ENTREP1: variants seen among roughly 807,000 people sequenced by gnomAD.
ENTREP1 encodes Friedreich ataxia region gene X123.
the ENTREP1 span, among the ~76,000 whole-genome samples, chr9:69,367,469 A>AATT: frequency 3.3e-5 from 5 of 150,548 alleles, no homozygotes; most frequent in African/African-American, 1.2e-4. Context: ...TGATAATATT[A>AATT]ATTTTTCCAA....
the ENTREP1 span, chr9:69,380,546 T>C: frequency 6.6e-6 from 1 of 152,252 alleles, no homozygotes; most frequent in Non-Finnish European, 1.5e-5. Flanking sequence ...GAGAAAAGGC[T>C]TCTCGAGTTA....
the ENTREP1 span, among the ~76,000 whole-genome samples, chr9:69,355,753 C>T: frequency 5.3e-5 from 8 of 152,292 alleles, no homozygotes; most frequent in South Asian, 1.0e-3. Flanking sequence ...CCCGGACCTC[C>T]GTGATGGCTC....
the ENTREP1 span, chr9:69,325,273 GCCGGCCGC>G: frequency 8.8e-7 from 1 of 1,137,112 alleles, no homozygotes; most frequent in Non-Finnish European, 1.1e-6. Flanking sequence ...GCCCGCCGCA[GCCGGCCGC>G]ACCCGGCCGC....
At chr9:69,336,216 A>T in the ENTREP1 span, 1 of 1,549,760 alleles carries the variant, frequency 6.5e-7, no homozygotes, top group Non-Finnish European at 8.8e-7. Context: ...CTTACAGGTG[A>T]TACTCTCTGG....
chr9:69,338,456 A>T, the ENTREP1 span, among the ~76,000 whole-genome samples: 1 of 152,236 alleles, frequency 6.6e-6, no homozygotes, highest in African/African-American at 2.4e-5. Flanking sequence ...TGAAAAGAGT[A>T]TAAGTGTGTT....
the ENTREP1 span, chr9:69,379,900 T>C: frequency 6.6e-6 from 1 of 152,310 alleles, no homozygotes; most frequent in African/African-American, 2.4e-5. Flanking sequence ...TCTTCTCTGC[T>C]TCACCATAAT....
the ENTREP1 span, among the ~76,000 whole-genome samples, chr9:69,351,848 T>A: frequency 6.6e-6 from 1 of 152,234 alleles, no homozygotes; most frequent in Non-Finnish European, 1.5e-5. Context: ...TGTTTATTTG[T>A]CTTTTTAATG....
the ENTREP1 span, chr9:69,388,007 T>C: frequency 6.4e-7 from 1 of 1,555,202 alleles, no homozygotes. Context: ...TTGTTTTCCC[T>C]CCTTCTGCAA....
the ENTREP1 span, among the ~76,000 whole-genome samples, chr9:69,390,114 A>G: frequency 6.6e-6 from 1 of 152,254 alleles, no homozygotes; most frequent in African/African-American, 2.4e-5. Flanking sequence ...CTAACTTACT[A>G]TGTAGCACAG....
chr9:69,340,666 C>CATGCGTGTGTGTGCAT, the ENTREP1 span, among the ~76,000 whole-genome samples: 1 of 108,650 alleles, frequency 9.2e-6, no homozygotes, highest in Non-Finnish European at 1.8e-5. Context: ...TGTGTGTGTG[C>CATGCGTGTGTGTGCAT]GTGTGTGTGT....
At chr9:69,343,276 C>T in the ENTREP1 span, among the ~76,000 whole-genome samples, 19 of 152,174 alleles carry the variant, frequency 1.2e-4, no homozygotes, top group Non-Finnish European at 1.9e-4. Context: ...CTCTCATTTT[C>T]GCATTCACTT....
the ENTREP1 span, chr9:69,387,832 C>T: frequency 4.2e-6 from 5 of 1,190,594 alleles, no homozygotes; most frequent in Non-Finnish European, 5.5e-6. Flanking sequence ...CCCATCCATC[C>T]CCATCTATTT....
the ENTREP1 span, among the ~76,000 whole-genome samples, chr9:69,326,968 G>A: frequency 6.6e-5 from 10 of 150,626 alleles, no homozygotes; most frequent in Non-Finnish European, 1.5e-4. Context: ...TGGTAAGAAC[G>A]GCTTTTGCAG....
At chr9:69,337,668 A>G in the ENTREP1 span, among the ~76,000 whole-genome samples, 1 of 152,194 alleles carries the variant, frequency 6.6e-6, no homozygotes, top group Non-Finnish European at 1.5e-5. Flanking sequence ...TAAACTTATC[A>G]GTTACAGTTT....
the ENTREP1 span, among the ~76,000 whole-genome samples, chr9:69,337,239 C>T: frequency 3.0e-3 from 453 of 151,768 alleles, no homozygotes; most frequent in Middle Eastern, 6.8e-3. Flanking sequence ...AGTCCCAAAC[C>T]TCAAGTGATC....
chr9:69,377,819 AC>A, the ENTREP1 span: 1 of 1,444,976 alleles, frequency 6.9e-7, no homozygotes. Context: ...TCCAGAACTC[AC>A]CACATGAGAT....
the ENTREP1 span, among the ~76,000 whole-genome samples, chr9:69,356,154 G>T: frequency 2.8e-4 from 42 of 152,222 alleles, 1 homozygote; most frequent in South Asian, 8.5e-3. Context: ...CCTGAAGTCC[G>T]TGGCAACCAC....
the ENTREP1 span, chr9:69,388,396 A>G: frequency 6.2e-7 from 1 of 1,613,904 alleles, no homozygotes; most frequent in East Asian, 2.2e-5. Context: ...CTGTTTTGAA[A>G]TCTGATGAGG....
At chr9:69,386,008 T>G in the ENTREP1 span, 1 of 1,494,162 alleles carries the variant, frequency 6.7e-7, no homozygotes, top group Non-Finnish European at 8.9e-7. Context: ...AGGAGCCAGG[T>G]GAAGGCAGGT....
Sources: gnomAD v4.1 joint callset for allele counts (sites outside exome capture counted in the v4.1 genomes callset) on GRCh38, gnomAD v4.1.1 for gene constraint, MANE v1.5 for transcripts, NCBI Gene and HGNC (gene_info 2026-07-23, HGNC 2026-07-21) for gene names.